The following MLXIP variants were observed in gnomAD, a reference collection of about 807,000 sequenced individuals.
MLXIP encodes the protein MLX interacting protein, also known as MLX-interacting protein.
Under a neutral mutation model 87.2 loss-of-function variants are expected in MLXIP, and 30 were observed. The observed-to-expected ratio is 0.34, with a 90% CI of 0.26 to 0.47. MLXIP has a LOEUF of 0.47. Ranked by LOEUF, MLXIP falls within the 20% of genes least tolerant of loss-of-function variation. MLXIP has a pLI of 1.00. For missense variants in MLXIP, 1,002 were observed against 1,240.1 expected (o/e 0.81, Z 2.88); for synonymous variants, 530 against 514.0 (o/e 1.03, Z -0.42).
intron 7 of MLXIP, 102 bp from the exon 8 acceptor site, chr12:122,132,190 G>A: frequency 1.2e-6 from 1 of 845,426 alleles, no homozygotes; most frequent in Non-Finnish European, 1.9e-6. Context: ...CCAAAGTGCT[G>A]GGATTACAGG....
At chr12:122,139,741 C>T (rs545258988) in intron 15 of MLXIP, among the ~76,000 whole-genome samples, 35 of 152,340 alleles carry the variant, frequency 2.3e-4, no homozygotes, top group African/African-American at 8.4e-4. Context: ...GGTACAATCA[C>T]AGTTCACTGC....
In MLXIP at chr12:122,135,320, T is replaced by G; in HGVS notation, c.1829T>G (p.Val610Gly). 6.2e-7 allele frequency: 1 copy of G among 1,613,584 alleles called. No individual in the cohort carries two copies. The highest frequency in any genetic ancestry group is 8.5e-7 in the Non-Finnish European group (1 of 1,179,808). The change falls in exon 10 of 17, where the codon GTC becomes GGC. Residue 610 changes from valine (V) to glycine (G), a missense_variant. By Grantham distance (109) the Val-to-Gly change is moderately radical. Around this residue, in one of 3 missense-constraint regions of MLXIP, gnomAD observed 746 missense variants for 897.0 expected, o/e 0.83. Coordinates refer to ENST00000319080, the MANE Select transcript of MLXIP (RefSeq NM_014938.6). This position sits in a 1 kb window ranked among gnomAD's most constrained non-coding sequence, Gnocchi z 5.3. ...LASTVSQSNVVIAPAAIARAP... is the reference protein window; with the variant it reads ...LASTVSQSNVGIAPAAIARAP... ...TCCACCGTGTCCCAGTCCAACGTGG[T>G]CATTGCGCCTGCTGCCATCGCCAGG...
At chr12:122,096,058 C>T (rs950413185) in intron 1 of MLXIP, among the ~76,000 whole-genome samples, 4 of 151,490 alleles carry the variant, frequency 2.6e-5, no homozygotes, top group Non-Finnish European at 5.9e-5. Flanking sequence ...AACATCCCTC[C>T]AAGCCACAAA....
In MLXIP at chr12:122,142,198, C is replaced by T. The variant is rs1953219939; in HGVS notation, c.*386C>T. 1.4e-6 allele frequency: 1 copy of T among 701,150 alleles called. No homozygotes were observed. The highest frequency in any genetic ancestry group is 1.7e-5 in the African/African-American group (1 of 57,260). The allele number at this position is 701,150 out of a possible 1,614,324, so 43.4% of individuals were successfully genotyped here. On this transcript the variant is annotated 3_prime_UTR_variant, in exon 17 of 17. Transcript: ENST00000319080. ...GACAGGGCCTGCTCCTGTCCTGAGG[C>T]CCAGCCTTGTCCCTCCTGCCACGTC...
At chr12:122,114,886 C>T (rs979794951) in intron 1 of MLXIP, among the ~76,000 whole-genome samples, 2 of 151,960 alleles carry the variant, frequency 1.3e-5, no homozygotes, top group African/African-American at 4.8e-5. Context: ...GCTGGGATTA[C>T]AGGTATGCGC....
rs1953112231 is a variant in MLXIP, at chr12:122,137,411, C to G, written c.2033-58C>G. The G allele has an allele frequency of 1.3e-6, 2 of 1,573,670 alleles. No individual in the cohort carries two copies. The highest frequency in any genetic ancestry group is 1.7e-6 in the Non-Finnish European group (2 of 1,160,398). On this transcript the variant is annotated intron_variant, in intron 11 of 16. Transcript: ENST00000319080. The surrounding 1 kb of genome is among the most constrained non-coding windows in gnomAD (Gnocchi z 4.1). ...TAACCCTGCAGAGACCCCAGGCTGC[C>G]TCCTGGTGGCGTTGAGGGGCCAGGC...
In MLXIP at chr12:122,110,289, C is replaced by CT. The variant is rs572656232; in HGVS notation, c.414-16959dup. ...GCAGCATGGGGAGATGCTTATCTCTCTTTTTTTTATTTTTTGAGACAGAGT... is the reference window on the plus strand; with the variant it reads ...GCAGCATGGGGAGATGCTTATCTCTCTTTTTTTTTATTTTTTGAGACAGAGT... On this transcript the variant is annotated intron_variant, in intron 1 of 16. Coordinates refer to ENST00000319080, the MANE Select transcript of MLXIP (RefSeq NM_014938.6). Among the ~76,000 whole-genome samples, 413 of 151,742 alleles carry CT rather than the reference C, an allele frequency of 2.7e-3. 8 individuals are homozygous for CT. In the South Asian group the frequency reaches 0.032, roughly 12 times the overall value.
chr12:122,133,593 C>T lies in MLXIP; in HGVS notation c.1338C>T (p.Ile446=), dbSNP rs1180207723. The part of the protein sequence containing the change: ...LLSPSPAPPP[I]SPVLPLVPPP... ...CTCCCAGCCCCGCCCCACCGCCCAT[C>T]TCCCCCGTGTTACCATTAGTTCCTC... Residue 446 remains isoleucine, a synonymous_variant, in exon 9 of 17, where the codon ATC becomes ATT. Coordinates refer to ENST00000319080, the MANE Select transcript of MLXIP (RefSeq NM_014938.6). This position sits in a 1 kb window ranked among gnomAD's most constrained non-coding sequence, Gnocchi z 4.9. 4.4e-6 allele frequency: 7 copies of T among 1,608,458 alleles called. No homozygotes were observed. Among genetic ancestry groups the T allele is most frequent in the Admixed American group, 3.4e-5 (2 of 59,442 alleles).
intron 1 of MLXIP, among the ~76,000 whole-genome samples, chr12:122,123,867 C>T (rs1460880692): frequency 6.6e-6 from 1 of 152,130 alleles, no homozygotes; most frequent in Non-Finnish European, 1.5e-5. Flanking sequence ...GCCCTGTTCA[C>T]ACATTGAGGG....
At chr12:122,126,582 G>A (rs183579235) in intron 1 of MLXIP, among the ~76,000 whole-genome samples, 32 of 152,288 alleles carry the variant, frequency 2.1e-4, no homozygotes, top group South Asian at 2.1e-3. Context: ...TCGGGTACTT[G>A]GATTGTGAAT....
rs116674819 is a variant in MLXIP, at chr12:122,131,044, G to A, written c.1000+111G>A. ...GAGACTTGGTAGAATGGGCAAGGGGGCGAGCAAAGAATTTTTTTTTAAACT... is the reference window on the plus strand; with the variant it reads ...GAGACTTGGTAGAATGGGCAAGGGGACGAGCAAAGAATTTTTTTTTAAACT... On this transcript the variant is annotated intron_variant, in intron 7 of 16. Transcript: ENST00000319080. 2,552 of 722,928 alleles carry A rather than the reference G, an allele frequency of 3.5e-3. 44 individuals carry two copies. The African/African-American group carries it at 0.039, about 11-fold the overall frequency. The allele number at this position is 722,928 out of a possible 1,614,324, so 44.8% of individuals were successfully genotyped here.
At chr12:122,093,485 G>T (rs1247666955) in intron 1 of MLXIP, among the ~76,000 whole-genome samples, 2 of 144,480 alleles carry the variant, frequency 1.4e-5, no homozygotes, top group Admixed American at 7.0e-5. Flanking sequence ...TTTGGTGTGT[G>T]GTGTGTGTGT....
Position 122,137,642 on chromosome 12 carries a change from G to T in MLXIP, c.2154+52G>T. 3 of 1,583,872 alleles carry T rather than the reference G, an allele frequency of 1.9e-6. No individual in the cohort carries two copies. The highest frequency in any genetic ancestry group is 1.4e-5 in the African/African-American group (1 of 71,050). ...TTGGGAGGAGGGGAGAGGAGTGCAG[G>T]ACATCAAGGATCTGTGTCTTGTCTG... On this transcript the variant is annotated intron_variant, in intron 12 of 16. Transcript: ENST00000319080. The surrounding 1 kb of genome is among the most constrained non-coding windows in gnomAD (Gnocchi z 4.1).
intron 1 of MLXIP, among the ~76,000 whole-genome samples, chr12:122,096,832 C>T (rs186291403): frequency 5.3e-4 from 81 of 152,302 alleles, no homozygotes; most frequent in Non-Finnish European, 1.0e-3. Flanking sequence ...GTAGGGAGAG[C>T]AAGGCTCTGT....
chr12:122,089,009 C>CAAAAAAAAAAAA (rs1177216284), intron 1 of MLXIP, among the ~76,000 whole-genome samples: 1 of 47,838 alleles, frequency 2.1e-5, no homozygotes. Context: ...CCCATCTCTA[C>CAAAAAAAAAAAA]AAAAAAAAAA....
intron 4 of MLXIP, 135 bp downstream of exon 4, chr12:122,129,361 C>T: frequency 1.1e-6 from 1 of 944,126 alleles, no homozygotes; most frequent in South Asian, 1.5e-5. Flanking sequence ...AAATCTGGGG[C>T]CCAGCGTGCC....
chr12:122,093,444 ATG>A (rs1193134751), intron 1 of MLXIP, among the ~76,000 whole-genome samples: 2 of 97,658 alleles, frequency 2.0e-5, no homozygotes, highest in South Asian at 3.6e-4. Context: ...TGTGTGTTGT[ATG>A]TGTGGGGTGT....
At chr12:122,091,085 A>G (rs907431959) in intron 1 of MLXIP, among the ~76,000 whole-genome samples, 2 of 152,230 alleles carry the variant, frequency 1.3e-5, no homozygotes, top group Non-Finnish European at 2.9e-5. Flanking sequence ...AACACTTTTA[A>G]AGGGTCACTT....
chr12:122,098,991 A>G (rs1390998499), intron 1 of MLXIP, among the ~76,000 whole-genome samples: 1 of 152,228 alleles, frequency 6.6e-6, no homozygotes, highest in African/African-American at 2.4e-5. Context: ...TAATCCCAGC[A>G]CTTTGGGAGG....
Sources: allele counts gnomAD v4.1 joint callset (sites outside exome capture counted in the v4.1 genomes callset), GRCh38; gene constraint gnomAD v4.1.1; regional missense constraint gnomAD v4.1.1; non-coding constraint Gnocchi (gnomAD v3.1); transcripts MANE v1.5; gene names NCBI Gene and HGNC (gene_info 2026-07-23, HGNC 2026-07-21).